UPP2: variants seen among roughly 807,000 people sequenced by gnomAD.
UPP2 encodes the protein uridine phosphorylase 2.
A neutral mutation model predicts 26.7 loss-of-function variants in UPP2; 23 were observed. The observed-to-expected ratio is 0.86, with a 90% CI of 0.62 to 1.22. The LOEUF is 1.22. Ranked by LOEUF, UPP2 falls within the 50% of genes most tolerant of loss-of-function variation. UPP2 has a pLI of 0.00. For missense variants in UPP2, 387 were observed against 396.7 expected (o/e 0.98, Z 0.21); for synonymous variants, 127 against 141.3 (o/e 0.90, Z 0.72).
chr2:158,029,798 T>C (rs995060781), intron 3 of UPP2, among the ~76,000 whole-genome samples: 1 of 150,290 alleles, frequency 6.7e-6, no homozygotes, highest in African/African-American at 2.4e-5. Flanking sequence ...CTCGTTTCTT[T>C]TTTTTTTTTT....
intron 3 of UPP2, among the ~76,000 whole-genome samples, chr2:158,038,811 G>T (rs964445247): frequency 1.3e-5 from 2 of 152,178 alleles, no homozygotes; most frequent in African/African-American, 2.4e-5. Context: ...AAGAAGAAAG[G>T]GTTGTATGTG....
At chr2:158,019,705 A>G (rs899484676) in intron 3 of UPP2, among the ~76,000 whole-genome samples, 1 of 151,890 alleles carries the variant, frequency 6.6e-6, no homozygotes, top group Admixed American at 6.6e-5. Context: ...ACAGAGAGAG[A>G]GAGAGAAATT....
chr2:158,039,006 A>G (rs1312403256), intron 3 of UPP2, among the ~76,000 whole-genome samples: 1 of 152,186 alleles, frequency 6.6e-6, no homozygotes, highest in African/African-American at 2.4e-5. Context: ...GGCTGGTTGC[A>G]CTGAGATACT....
chr2:158,105,946 G>A (rs1313293288), intron 1 of UPP2, among the ~76,000 whole-genome samples, 153 bp from the exon 2 acceptor site: 1 of 152,228 alleles, frequency 6.6e-6, no homozygotes, highest in Non-Finnish European at 1.5e-5. Context: ...TTGGCACATA[G>A]TGTGGGCAAA....
chr2:158,104,635 G>C (rs1466138485), intron 1 of UPP2, among the ~76,000 whole-genome samples: 1 of 152,014 alleles, frequency 6.6e-6, no homozygotes, highest in Non-Finnish European at 1.5e-5. Flanking sequence ...AAAGCCATGT[G>C]GAAAGGCTAG....
chr2:158,096,945 T>C (rs1298437666), upstream of UPP2, among the ~76,000 whole-genome samples: 1 of 152,110 alleles, frequency 6.6e-6, no homozygotes, highest in African/African-American at 2.4e-5. Flanking sequence ...GGAAATGAGA[T>C]TGGATAAATC....
chr2:158,089,034 C>T (rs1278702160), intron 3 of UPP2, among the ~76,000 whole-genome samples: 1 of 151,716 alleles, frequency 6.6e-6, no homozygotes, highest in Non-Finnish European at 1.5e-5. Flanking sequence ...GTGGGCAGGG[C>T]CATAGAGCTC....
At chr2:158,105,977 A>G in intron 1 of UPP2, 122 bp from the exon 2 acceptor site, 1 of 721,010 alleles carries the variant, frequency 1.4e-6, no homozygotes, top group Non-Finnish European at 2.3e-6. Flanking sequence ...AATTACTGTT[A>G]TACTACATTG....
intron 3 of UPP2, among the ~76,000 whole-genome samples, chr2:158,023,833 C>G (rs543243837): frequency 6.6e-6 from 1 of 152,118 alleles, no homozygotes; most frequent in Non-Finnish European, 1.5e-5. Context: ...TGTGGTGGAG[C>G]CTCCTATGTT....
intron 3 of UPP2, among the ~76,000 whole-genome samples, chr2:158,086,782 C>T (rs984559087): frequency 2.0e-5 from 3 of 152,032 alleles, no homozygotes; most frequent in Non-Finnish European, 4.4e-5. Flanking sequence ...ATTTAATTTG[C>T]AGGTATTTGC....
chr2:158,128,219 G>A (rs774869542), intron 6 of UPP2, among the ~76,000 whole-genome samples: 3 of 152,024 alleles, frequency 2.0e-5, no homozygotes, highest in Admixed American at 6.5e-5. Flanking sequence ...TTATTTCCTT[G>A]GACAGACACT....
chr2:158,098,629 C>T (rs1223371271), upstream of UPP2, among the ~76,000 whole-genome samples: 1 of 152,174 alleles, frequency 6.6e-6, no homozygotes, highest in Non-Finnish European at 1.5e-5. Context: ...TTCTCTTGCT[C>T]CTTGCTCATC....
intron 3 of UPP2, among the ~76,000 whole-genome samples, chr2:158,031,370 G>C (rs1319555611): frequency 6.6e-6 from 1 of 152,178 alleles, no homozygotes; most frequent in East Asian, 1.9e-4. Flanking sequence ...GGCATTGCTT[G>C]GTATGTTGAG....
intron 3 of UPP2, among the ~76,000 whole-genome samples, chr2:158,063,755 C>A (rs1050954626): frequency 3.3e-5 from 5 of 152,112 alleles, no homozygotes; most frequent in African/African-American, 1.2e-4. Flanking sequence ...TTAGCCTCCA[C>A]CCCCCGACAG....
At chr2:158,054,805 C>T (rs1268032616) in intron 3 of UPP2, among the ~76,000 whole-genome samples, 1 of 152,166 alleles carries the variant, frequency 6.6e-6, no homozygotes. Context: ...ATACACAAAA[C>T]ATAAAACTTG....
chr2:158,096,904 G>C (rs1005304372), upstream of UPP2, among the ~76,000 whole-genome samples: 1 of 151,946 alleles, frequency 6.6e-6, no homozygotes, highest in Non-Finnish European at 1.5e-5. Context: ...CAAATTTAGG[G>C]TTATGTTTAC....
At chr2:158,019,623 A>G (rs1020767832) in intron 3 of UPP2, among the ~76,000 whole-genome samples, 1 of 149,652 alleles carries the variant, frequency 6.7e-6, no homozygotes, top group Non-Finnish European at 1.5e-5. Context: ...AAGTGGAAGG[A>G]AATACAATCC....
At chr2:158,009,189 AT>A (rs898785954) in intron 2 of UPP2, among the ~76,000 whole-genome samples, 27 of 152,262 alleles carry the variant, frequency 1.8e-4, no homozygotes, top group African/African-American at 6.0e-4. Flanking sequence ...TTCTGGCTAG[AT>A]TTTTTCAGGA....
chr2:158,067,520 A>G (rs1244663831), intron 3 of UPP2, among the ~76,000 whole-genome samples: 1 of 152,154 alleles, frequency 6.6e-6, no homozygotes, highest in Non-Finnish European at 1.5e-5. Context: ...AAAATTTGTA[A>G]AGGAATATGG....
Sources: allele counts gnomAD v4.1 joint callset (sites outside exome capture counted in the v4.1 genomes callset), GRCh38; gene constraint gnomAD v4.1.1; transcripts MANE v1.5; gene names NCBI Gene and HGNC (gene_info 2026-07-23, HGNC 2026-07-21).